The following LMNB1 variants were observed in gnomAD, a reference collection of about 807,000 sequenced individuals.
The protein encoded by LMNB1 is lamin-B1.
A neutral mutation model predicts 67.1 loss-of-function variants in LMNB1; 23 were observed. That is an observed-to-expected ratio of 0.34 (90% CI 0.25 to 0.49). LMNB1 has a LOEUF of 0.49. Ranked by LOEUF, LMNB1 falls within the 20% of genes least tolerant of loss-of-function variation. The pLI is 0.99. For synonymous variants in LMNB1, 281 were observed against 282.9 expected (o/e 0.99, Z 0.07); for missense variants, 634 against 746.5 (o/e 0.85, Z 1.76).
chr5:126,792,625 G>A (rs1750991111), intron 1 of LMNB1, among the ~76,000 whole-genome samples: 2 of 135,786 alleles, frequency 1.5e-5, no homozygotes, highest in Non-Finnish European at 1.5e-5. Context: ...TGCCCAGGCT[G>A]GAGTGCAGTG....
chr5:126,806,080 G>A (rs986944729), intron 3 of LMNB1, among the ~76,000 whole-genome samples: 5 of 151,982 alleles, frequency 3.3e-5, no homozygotes, highest in South Asian at 4.1e-4. Flanking sequence ...TCAGCCTCCC[G>A]AGTAGCTGGA....
At chr5:126,804,329 C>A (rs1751361653) in intron 1 of LMNB1, among the ~76,000 whole-genome samples, 1 of 144,194 alleles carries the variant, frequency 6.9e-6, no homozygotes, top group Admixed American at 7.3e-5. Flanking sequence ...CCTCCCACAT[C>A]AGCCTCTCAA....
intron 5 of LMNB1, among the ~76,000 whole-genome samples, chr5:126,817,982 T>C (rs1396769788): frequency 6.6e-6 from 1 of 152,202 alleles, no homozygotes; most frequent in Admixed American, 6.5e-5. Context: ...TGGTGTAGGA[T>C]GTGTGATTTT....
chr5:126,787,546 A>ATATATTTTTTTTTTTTTTTTTTTTTT, intron 1 of LMNB1, among the ~76,000 whole-genome samples: 8 of 65,584 alleles, frequency 1.2e-4, no homozygotes, highest in Non-Finnish European at 1.9e-4. Context: ...ATATATATAT[A>ATATATTTTTTTTTTTTTTTTTTTTTT]TTTTTTTTTT....
At chr5:126,811,359 C>G (rs926514962) in intron 4 of LMNB1, among the ~76,000 whole-genome samples, 72 of 152,104 alleles carry the variant, frequency 4.7e-4, no homozygotes, top group Non-Finnish European at 1.9e-4. Flanking sequence ...AATCTATAAA[C>G]TAGTATTTTC....
chr5:126,781,438 A>G (rs1750630867), intron 1 of LMNB1, among the ~76,000 whole-genome samples: 1 of 151,820 alleles, frequency 6.6e-6, no homozygotes, highest in African/African-American at 2.4e-5. Context: ...GGAAAGTATT[A>G]TTTTGCCCTA....
At chr5:126,796,692 T>G (rs1252724905) in intron 1 of LMNB1, among the ~76,000 whole-genome samples, 2 of 152,168 alleles carry the variant, frequency 1.3e-5, no homozygotes, top group African/African-American at 4.8e-5. Context: ...AGTAAAGCTG[T>G]GTATGTTAGT....
Position 126,827,339 on chromosome 5 carries a change from A to AT in LMNB1, c.1611+1236dup, listed in dbSNP as rs757294643. On this transcript the variant is annotated intron_variant, in intron 9 of 10. Transcript: ENST00000261366. ...GGGAGCCAGGGAATAAGATAAAGTG[A>AT]TTTTCTGATAAAGGTAATAAAGATA... Among the ~76,000 whole-genome samples the AT allele has an allele frequency of 2.0e-5, 3 of 152,236 alleles. No homozygotes were observed. The East Asian group carries it at 5.8e-4, about 29-fold the overall frequency.
intron 5 of LMNB1, among the ~76,000 whole-genome samples, chr5:126,816,098 C>CTT (rs574388006): frequency 1.4e-5 from 2 of 147,470 alleles, no homozygotes; most frequent in African/African-American, 2.5e-5. Flanking sequence ...ACTTACATGA[C>CTT]TTTTTTTTTT....
At chr5:126,820,639 C>T (rs1325816457) in intron 6 of LMNB1, among the ~76,000 whole-genome samples, 2 of 152,072 alleles carry the variant, frequency 1.3e-5, no homozygotes, top group Non-Finnish European at 2.9e-5. Flanking sequence ...CATTCTCCTG[C>T]CTCAGCCTCC....
chr5:126,826,779 C>T lies in LMNB1; in HGVS notation c.1611+672C>T, dbSNP rs751875680. Among the ~76,000 whole-genome samples the T allele has an allele frequency of 7.9e-5, 12 of 152,306 alleles. No individual in the cohort carries two copies. The South Asian group carries it at 8.3e-4, about 11-fold the overall frequency. Reference sequence around the variant, plus strand: ...TGGCTTCCTCCTTGTCTTTCCCTAGCGAATCACCTTATCCAGGTGCTGTAC... The same window carrying T: ...TGGCTTCCTCCTTGTCTTTCCCTAGTGAATCACCTTATCCAGGTGCTGTAC... On this transcript the variant is annotated intron_variant, in intron 9 of 10. Coordinates refer to ENST00000261366, the MANE Select transcript of LMNB1 (RefSeq NM_005573.4).
intron 10 of LMNB1, among the ~76,000 whole-genome samples, chr5:126,833,970 G>A (rs1752192093): frequency 1.3e-5 from 2 of 152,186 alleles, no homozygotes; most frequent in South Asian, 4.1e-4. Flanking sequence ...TTAAAACAGT[G>A]ATTTCTTACT....
chr5:126,787,752 T>C (rs1750847233), intron 1 of LMNB1, among the ~76,000 whole-genome samples: 1 of 151,622 alleles, frequency 6.6e-6, no homozygotes, highest in African/African-American at 2.4e-5. Flanking sequence ...GGTTTCAGTA[T>C]GTTTGCCAGG....
intron 5 of LMNB1, among the ~76,000 whole-genome samples, chr5:126,815,620 A>G (rs1008848676): frequency 6.6e-6 from 1 of 152,206 alleles, no homozygotes; most frequent in African/African-American, 2.4e-5. Context: ...GTTAGTGGCA[A>G]GATCTGAGAG....
intron 9 of LMNB1, among the ~76,000 whole-genome samples, chr5:126,827,197 T>C (rs1752017020): frequency 6.6e-6 from 1 of 152,214 alleles, no homozygotes; most frequent in African/African-American, 2.4e-5. Flanking sequence ...GGGCTATTCA[T>C]TTATTTGGAA....
At chr5:126,834,642 G>A (rs1205585621) in intron 10 of LMNB1, among the ~76,000 whole-genome samples, 1 of 152,214 alleles carries the variant, frequency 6.6e-6, no homozygotes, top group African/African-American at 2.4e-5. Context: ...CAGCAGTTTG[G>A]GAGGCAGGCA....
chr5:126,782,959 T>C (rs1726311706), intron 1 of LMNB1, among the ~76,000 whole-genome samples: 1 of 151,934 alleles, frequency 6.6e-6, no homozygotes, highest in Non-Finnish European at 1.5e-5. Context: ...CCTAGCACTT[T>C]GGGAGGCTGA....
intron 1 of LMNB1, among the ~76,000 whole-genome samples, chr5:126,784,014 A>ATT (rs61578729): frequency 0.026 from 1,562 of 59,468 alleles, 220 homozygotes; most frequent in Middle Eastern, 0.1. Flanking sequence ...CTGTCATTTG[A>ATT]TTTTTTTTTT....
chr5:126,791,943 G>A (rs191170567), intron 1 of LMNB1, among the ~76,000 whole-genome samples: 12 of 150,526 alleles, frequency 8.0e-5, no homozygotes, highest in Non-Finnish European at 1.5e-4. Flanking sequence ...CCATGACACC[G>A]GGCTGATTTT....
Sources: allele counts gnomAD v4.1 joint callset (sites outside exome capture counted in the v4.1 genomes callset), GRCh38; gene constraint gnomAD v4.1.1; transcripts MANE v1.5; gene names NCBI Gene and HGNC (gene_info 2026-07-23, HGNC 2026-07-21).